Variants in CARS2 observed in about 807,000 individuals in gnomAD.
CARS2 encodes the protein probable cysteine--tRNA ligase, mitochondrial.
A neutral mutation model predicts 68.8 loss-of-function variants in CARS2; 52 were observed. That is an observed-to-expected ratio of 0.76 (90% CI 0.61 to 0.95). CARS2 has a LOEUF of 0.95. CARS2 is among the 40% of genes least tolerant of loss of function. The probability of loss-of-function intolerance (pLI) is 0.00; values close to 1 mark genes in which losing one functional copy is unlikely to be tolerated. For synonymous variants in CARS2, 314 were observed against 303.6 expected (o/e 1.03, Z -0.36); for missense variants, 780 against 754.2 (o/e 1.03, Z -0.40).
chr13:110,645,390 C>T (rs117517499), intron 12 of CARS2: 3,663 of 152,438 alleles, frequency 0.024, 49 homozygotes, highest in Non-Finnish European at 0.036. Flanking sequence ...CAAACAGCCT[C>T]GGCTTCCCGG....
intron 8 of CARS2, chr13:110,664,293 G>T: frequency 1.4e-6 from 1 of 729,168 alleles, no homozygotes; most frequent in Non-Finnish European, 1.7e-6. Flanking sequence ...GACCGCTTGA[G>T]CCCAGGAGTT....
At chr13:110,664,920 C>G (rs2062607584) in intron 8 of CARS2, 2 of 811,050 alleles carry the variant, frequency 2.5e-6, no homozygotes, top group Non-Finnish European at 3.0e-6. Flanking sequence ...GCCAGCAGAA[C>G]TGTGAGGAAT....
Position 110,668,493 on chromosome 13 carries a change from G to A in CARS2, c.786-1020C>T, listed in dbSNP as rs2062712326. ...GGAGGCGGAGCTTGCAGTGAGCCGA[G>A]ATCGCGCCACTGCACTCCAGCCTGG... is the stretch of plus-strand genomic sequence containing the variant. On this transcript the variant is annotated intron_variant, in intron 7 of 14. Transcript: ENST00000257347. This position sits in a 1 kb window ranked among gnomAD's most constrained non-coding sequence, Gnocchi z 4.1. 1.3e-5 allele frequency among the ~76,000 whole-genome samples: 2 copies of A among 150,874 alleles called. No homozygotes were observed. The highest frequency in any genetic ancestry group is 1.3e-4 in the Admixed American group (2 of 15,148).
chr13:110,663,142 A>G (rs2296659), intron 9 of CARS2: 428,042 of 526,952 alleles, frequency 0.81, 176,004 homozygotes, highest in Non-Finnish European at 0.86. Flanking sequence ...CAGCAGATGC[A>G]CCAAGAGGGA....
At chr13:110,699,482 A>G (rs2063720905) in intron 3 of CARS2, among the ~76,000 whole-genome samples, 4 of 152,284 alleles carry the variant, frequency 2.6e-5, no homozygotes, top group Admixed American at 1.3e-4. Flanking sequence ...CTGGCAAAGT[A>G]TCACAAGACT....
Position 110,683,286 on chromosome 13 carries a change from G to T in CARS2, c.572-152C>A, listed in dbSNP as rs28649796. The T allele has an allele frequency of 0.013, 6,185 of 484,408 alleles. 336 individuals are homozygous for T. Among genetic ancestry groups the T allele is most frequent in the African/African-American group, 0.11 (5,568 of 49,472 alleles). The allele number at this position is 484,408 out of a possible 1,614,324, so 30.0% of individuals were successfully genotyped here. A position where few individuals can be genotyped will look rare whatever the true frequency, so the allele number is the denominator to read the frequency against. Reference sequence around the variant, plus strand: ...ATAGTATTTATATTTTTATAGACAGGGTCTTGCTGTTGCTCAGGCTGGAGT... The same window carrying T: ...ATAGTATTTATATTTTTATAGACAGTGTCTTGCTGTTGCTCAGGCTGGAGT... On this transcript the variant is annotated intron_variant, in intron 5 of 14. Transcript: ENST00000257347.
At chr13:110,690,481 C>T (rs1456326752) in intron 3 of CARS2, among the ~76,000 whole-genome samples, 1 of 152,200 alleles carries the variant, frequency 6.6e-6, no homozygotes, top group Admixed American at 6.5e-5. Flanking sequence ...TAGCTTCTCT[C>T]CCTCGCAGCA....
chr13:110,693,753 C>T (rs755659041), intron 3 of CARS2, among the ~76,000 whole-genome samples: 2 of 152,102 alleles, frequency 1.3e-5, no homozygotes, highest in Non-Finnish European at 2.9e-5. Context: ...TTCTCACTGC[C>T]ATAAAACAAA....
rs540222479 is a variant in CARS2, at chr13:110,668,006, G to A, written c.786-533C>T. Among the ~76,000 whole-genome samples the A allele has an allele frequency of 1.6e-4, 24 of 152,332 alleles. No individual in the cohort carries two copies. The highest frequency in any genetic ancestry group is 5.8e-4 in the African/African-American group (24 of 41,578). On this transcript the variant is annotated intron_variant, in intron 7 of 14. Transcript: ENST00000257347. The surrounding 1 kb of genome is among the most constrained non-coding windows in gnomAD (Gnocchi z 4.1). ...TTAATGGGGTTGATGGGGGAAATGA[G>A]GCTGGGCCAGCCCACTCGAAGCTCT...
chr13:110,712,727 G>T (rs1005708358), intron 1 of CARS2: 18 of 696,460 alleles, frequency 2.6e-5, no homozygotes, highest in Non-Finnish European at 4.5e-5. Flanking sequence ...TTCCAAGTGT[G>T]GGGAGCGGCC....
intron 7 of CARS2, among the ~76,000 whole-genome samples, chr13:110,674,960 G>A (rs2062902879): frequency 6.6e-6 from 1 of 152,182 alleles, no homozygotes; most frequent in African/African-American, 2.4e-5. Context: ...ATGAAAAAAT[G>A]CTCATCATCA....
chr13:110,646,054 C>T lies in CARS2; in HGVS notation c.1230G>A (p.Leu410=), dbSNP rs923772737. Residue 410 remains leucine, a synonymous_variant, in exon 12 of 15, where the codon TTG becomes TTA. Transcript: ENST00000257347. ...CCCTGGGTGTGTCAAAATCATCTGCCAAGGCCGCCTTCACGGCCCTCTTGG... is the reference window on the plus strand; with the variant it reads ...CCCTGGGTGTGTCAAAATCATCTGCTAAGGCCGCCTTCACGGCCCTCTTGG... ...SSTKRAVKAA[L]ADDFDTPRVV... is the part of the protein sequence containing the mutation. 2.7e-5 allele frequency: 43 copies of T among 1,613,422 alleles called. No individual in the cohort carries two copies. Among genetic ancestry groups the T allele is most frequent in the Non-Finnish European group, 3.4e-5 (40 of 1,179,878 alleles).
intron 5 of CARS2, among the ~76,000 whole-genome samples, chr13:110,687,188 C>G (rs891286600): frequency 6.6e-6 from 1 of 152,148 alleles, no homozygotes. Flanking sequence ...GCTGTCCAGA[C>G]GTTCCCCTCT....
intron 6 of CARS2, among the ~76,000 whole-genome samples, chr13:110,680,683 C>G (rs2063133792): frequency 6.6e-6 from 1 of 152,192 alleles, no homozygotes; most frequent in South Asian, 2.1e-4. Context: ...AAACTCAGAG[C>G]AAGCGAAATC....
chr13:110,669,659 C>T lies in CARS2; in HGVS notation c.786-2186G>A, dbSNP rs575918689. Among the ~76,000 whole-genome samples, 98 of 152,218 alleles carry T rather than the reference C, an allele frequency of 6.4e-4. 1 individual carries two copies. Among genetic ancestry groups the T allele is most frequent in the African/African-American group, 2.3e-3 (94 of 41,534 alleles). On this transcript the variant is annotated intron_variant, in intron 7 of 14. Coordinates refer to ENST00000257347, the MANE Select transcript of CARS2 (RefSeq NM_024537.4). ...CTCCCAGCATGAGCGACGCAGAAGA[C>T]GGGTGATTTCTGCATTTCCAACTGA...
intron 3 of CARS2, among the ~76,000 whole-genome samples, chr13:110,689,391 G>A (rs1057081346): frequency 2.0e-5 from 3 of 152,192 alleles, no homozygotes; most frequent in Non-Finnish European, 2.9e-5. Flanking sequence ...ACTTTCTCAA[G>A]CGCAACGCCA....
rs1594438449 is a variant in CARS2 at position 110,706,090 on chromosome 13, A to G, written c.4T>C (p.Leu2=). ...AGGCCTGGGCCGCGCGTAGTCCTCA[A>G]CATGTCAGCGGCCAGCGCCTACGAC... is the stretch of plus-strand genomic sequence containing the variant. The part of the protein sequence containing the change: M[L]RTTRGPGLGP... The change falls in exon 1 of 15, where the codon TTG becomes CTG. Residue 2 remains leucine, a synonymous_variant. Transcript: ENST00000257347. 7.6e-7 allele frequency: 1 copy of G among 1,318,640 alleles called. No individual in the cohort carries two copies. Among genetic ancestry groups the G allele is most frequent in the East Asian group, 3.2e-5 (1 of 31,162 alleles). 81.7% of individuals were successfully genotyped at this position (1,318,640 alleles called of 1,614,324 possible). A position where few individuals can be genotyped will look rare whatever the true frequency, so the allele number is the denominator to read the frequency against.
intron 11 of CARS2, chr13:110,646,797 G>A (rs995054723): frequency 2.5e-5 from 8 of 316,252 alleles, no homozygotes; most frequent in South Asian, 2.1e-4. Flanking sequence ...GGGATGTCTC[G>A]GGAGCCCCTG....
intron 6 of CARS2, among the ~76,000 whole-genome samples, chr13:110,679,641 G>A (rs1263770056): frequency 1.6e-5 from 2 of 124,770 alleles, no homozygotes; most frequent in South Asian, 3.1e-4. Context: ...GAGGGACACC[G>A]GGCGTGACCG....
Sources: allele counts gnomAD v4.1 joint callset (sites outside exome capture counted in the v4.1 genomes callset), GRCh38; gene constraint gnomAD v4.1.1; non-coding constraint Gnocchi (gnomAD v3.1); transcripts MANE v1.5; gene names NCBI Gene and HGNC (gene_info 2026-07-23, HGNC 2026-07-21).